VTI1B: variants seen among roughly 807,000 people sequenced by gnomAD.
VTI1B encodes vesicle transport through interaction with t-SNAREs homolog 1B.
Under a neutral mutation model 28.6 loss-of-function variants are expected in VTI1B, and 18 were observed. The observed-to-expected ratio is 0.63, with a 90% confidence interval of 0.43 to 0.93. VTI1B has a LOEUF of 0.93. Among genes scored for constraint, VTI1B ranks in the 40% least tolerant of loss-of-function variants. The pLI is 0.00. For synonymous variants in VTI1B, 100 were observed against 107.9 expected, an observed-to-expected ratio of 0.93 and a Z score of 0.46; for missense variants, 283 against 297.0, an observed-to-expected ratio of 0.95 and a Z score of 0.35.
Position 67,674,555 on chromosome 14 carries a change from G to T in VTI1B, c.-66C>A, listed in dbSNP as rs2234509. 4.4e-3 allele frequency: 6,193 copies of T among 1,422,224 alleles called. 260 individuals carry two copies. In the African/African-American group the frequency reaches 0.081, roughly 19 times the overall value. The allele number at this position is 1,422,224 out of a possible 1,614,324, so 88.1% of individuals were successfully genotyped here. On this transcript the variant is annotated 5_prime_UTR_variant, in exon 1 of 6. Coordinates refer to ENST00000554659, the MANE Select transcript of VTI1B (RefSeq NM_006370.3). ...GCCCTGGGCCCTTTCCTAGCCCGGC[G>T]GTCAGCCGCCCAGCCCAGTGGCCAT...
chr14:67,673,117 C>CGGAT (rs1349593473), intron 1 of VTI1B, among the ~76,000 whole-genome samples: 4 of 152,148 alleles, frequency 2.6e-5, no homozygotes, highest in African/African-American at 9.7e-5. Context: ...CCAAAGAAGG[C>CGGAT]GGATCACTTG....
At chr14:67,670,019 C>T (rs971559235) in intron 1 of VTI1B, among the ~76,000 whole-genome samples, 30 of 152,144 alleles carry the variant, frequency 2.0e-4, no homozygotes, top group African/African-American at 6.8e-4. Context: ...CACCTGAGCC[C>T]GGGAAGCCAA....
chr14:67,672,936 C>T (rs574729567), intron 1 of VTI1B, among the ~76,000 whole-genome samples: 1 of 152,336 alleles, frequency 6.6e-6, no homozygotes, highest in African/African-American at 2.4e-5. Context: ...CTGCTCTTCG[C>T]TGAACACACC....
intron 2 of VTI1B, among the ~76,000 whole-genome samples, chr14:67,661,036 C>G (rs144674669): frequency 1.3e-5 from 2 of 152,144 alleles, no homozygotes; most frequent in African/African-American, 4.8e-5. Flanking sequence ...GATGTGCTTC[C>G]TTCTCAGAAC....
rs765840112 is a variant in VTI1B at position 67,656,430 on chromosome 14, GT to G, written c.525del (p.Glu175AspfsTer8). 6.2e-6 allele frequency: 10 copies of G among 1,612,088 alleles called. No homozygotes were observed. In the South Asian group the frequency reaches 1.1e-4, roughly 18 times the overall value. On this transcript the variant is annotated frameshift_variant, in exon 4 of 6. Transcript: ENST00000554659. LOFTEE classifies it high-confidence loss of function. ...CCCAGACTTACTCTACTCTTGGTACGTTCTAACTGGTCTCGTTGTTCCCCCA... is the reference window on the plus strand; with the variant it reads ...CCCAGACTTACTCTACTCTTGGTACGTCTAACTGGTCTCGTTGTTCCCCCA... Reference protein sequence around the residue: ...EELGEQRDQLERTKSRLVNTS... With the variant: ...EELGEQRDQLXRTKSRLVNTS...
intron 2 of VTI1B, among the ~76,000 whole-genome samples, chr14:67,662,267 G>A (rs186825473): frequency 5.3e-5 from 8 of 151,976 alleles, no homozygotes; most frequent in Non-Finnish European, 1.2e-4. Context: ...TATTACCAAA[G>A]AGTCACATTT....
intron 5 of VTI1B, 36 bp downstream of exon 5, chr14:67,653,401 A>G (rs1459641685): frequency 6.3e-6 from 10 of 1,595,392 alleles, no homozygotes; most frequent in African/African-American, 2.7e-5. Flanking sequence ...AAAGCCACTG[A>G]GTTAAGAGAA....
intron 1 of VTI1B, chr14:67,663,046 T>A: frequency 7.0e-7 from 1 of 1,433,054 alleles, no homozygotes; most frequent in Non-Finnish European, 9.1e-7. Context: ...GCTGAGAGGC[T>A]GTCTGGTGTG....
intron 1 of VTI1B, among the ~76,000 whole-genome samples, chr14:67,663,727 G>A (rs912294068): frequency 3.3e-5 from 5 of 152,052 alleles, no homozygotes; most frequent in East Asian, 1.9e-4. Flanking sequence ...TGATACTTGC[G>A]GATGGCAAAA....
At chr14:67,653,327 T>G (rs1190033166) in intron 5 of VTI1B, 110 bp downstream of exon 5, 8 of 826,848 alleles carry the variant, frequency 9.7e-6, no homozygotes, top group Non-Finnish European at 1.6e-5. Flanking sequence ...ACAGGGACTA[T>G]GCGTCAACTG....
At chr14:67,669,963 C>T (rs568033624) in intron 1 of VTI1B, among the ~76,000 whole-genome samples, 1 of 152,196 alleles carries the variant, frequency 6.6e-6, no homozygotes, top group Non-Finnish European at 1.5e-5. Flanking sequence ...GGCCTGGTGC[C>T]ATGCACCTGT....
At chr14:67,663,529 C>T (rs1347535683) in intron 1 of VTI1B, among the ~76,000 whole-genome samples, 1 of 151,940 alleles carries the variant, frequency 6.6e-6, no homozygotes, top group Admixed American at 6.6e-5. Flanking sequence ...AAAAAATTAG[C>T]CTGGTGTGGT....
In VTI1B at chr14:67,663,948, T is replaced by C. The variant is rs557735287; in HGVS notation, c.116-1413A>G. On this transcript the variant is annotated intron_variant, in intron 1 of 5. Transcript: ENST00000554659. ...CAAAATGAGGAAGTAGGTCATTCCC[T>C]TATATCTAACAAGCAAAAATTAGCT... 8.5e-5 allele frequency among the ~76,000 whole-genome samples: 13 copies of C among 152,298 alleles called. No homozygotes were observed. The South Asian group carries it at 2.7e-3, about 32-fold the overall frequency.
Position 67,647,716 on chromosome 14 carries a change from T to G in VTI1B, c.*3669A>C. The G allele has an allele frequency of 4.9e-6, 1 of 204,438 alleles. No individual in the cohort carries two copies. The highest frequency in any genetic ancestry group is 9.8e-6 in the Non-Finnish European group (1 of 102,316). The allele number at this position is 204,438 out of a possible 1,614,324, so 12.7% of individuals were successfully genotyped here. On this transcript the variant is annotated 3_prime_UTR_variant, in exon 6 of 6. Transcript: ENST00000554659. Reference sequence around the variant, plus strand: ...ATTGTCTCTAGATGAGAGCCCAATCTCATCTAGAAGTGAAGAAATCTCTCT... The same window carrying G: ...ATTGTCTCTAGATGAGAGCCCAATCGCATCTAGAAGTGAAGAAATCTCTCT...
At chr14:67,653,385 T>A in intron 5 of VTI1B, 52 bp downstream of exon 5, 1 of 1,537,586 alleles carries the variant, frequency 6.5e-7, no homozygotes, top group Non-Finnish European at 9.0e-7. Flanking sequence ...TTAAGCTTTT[T>A]GGTTGAAAGC....
Position 67,656,516 on chromosome 14 carries a change from T to TC in VTI1B, c.439dup (p.Glu147GlyfsTer11). On this transcript the variant is annotated frameshift_variant, in exon 4 of 6. Transcript: ENST00000554659. LOFTEE classifies it high-confidence loss of function. ...CTCTGTGGCAATCCGATGAGAACGT[T>TC]CAATACTTTGGGTGGCCCGGTTCAG... The TC allele has an allele frequency of 1.9e-6, 3 of 1,614,026 alleles. No homozygotes were observed. The highest frequency in any genetic ancestry group is 2.5e-6 in the Non-Finnish European group (3 of 1,179,932).
Position 67,651,496 on chromosome 14 carries a change from A to AAAGT in VTI1B, c.603-19_603-16dup, listed in dbSNP as rs1566809026. 6.2e-7 allele frequency: 1 copy of AAAGT among 1,612,996 alleles called. No homozygotes were observed. The highest frequency in any genetic ancestry group is 1.1e-5 in the South Asian group (1 of 91,008). On this transcript the variant is annotated splice_polypyrimidine_tract_variant and intron_variant, in intron 5 of 5. Coordinates refer to ENST00000554659, the MANE Select transcript of VTI1B (RefSeq NM_006370.3). ...TGGTTGTCACTCTACAAAGAGAAGC[A>AAAGT]AAGTGGGGAGTAGTCAGAAGTTTGG... is the stretch of plus-strand genomic sequence containing the variant.
chr14:67,650,915 A>G lies in VTI1B; in HGVS notation c.*470T>C. On this transcript the variant is annotated 3_prime_UTR_variant, in exon 6 of 6. Transcript: ENST00000554659. ...ATCAGAAAATCAAGCACGTGTGAGA[A>G]TTTAGGAGACACTGTGCACTGACAT... 1 of 1,613,908 alleles carries G rather than the reference A, an allele frequency of 6.2e-7. No individual in the cohort carries two copies. Among genetic ancestry groups the G allele is most frequent in the Non-Finnish European group, 8.5e-7 (1 of 1,179,922 alleles).
At position 67,650,544 on chromosome 14, in the gene VTI1B, A is replaced by C; in HGVS notation, c.*841T>G. The C allele has an allele frequency of 1.1e-5, 7 of 619,088 alleles. No homozygotes were observed. The South Asian group carries it at 1.4e-4, about 12-fold the overall frequency. The allele number at this position is 619,088 out of a possible 1,614,324, so 38.3% of individuals were successfully genotyped here. On this transcript the variant is annotated 3_prime_UTR_variant, in exon 6 of 6. Transcript: ENST00000554659. ...TATAGCACAACAGTGTTTTAACTTA[A>C]ATTCATGGCCAAGAGGATGAGGTGC...
Sources: allele counts gnomAD v4.1 joint callset (sites outside exome capture counted in the v4.1 genomes callset), GRCh38; gene constraint gnomAD v4.1.1; transcripts MANE v1.5; gene names NCBI Gene and HGNC (gene_info 2026-07-23, HGNC 2026-07-21).